MS4A18: variants seen among roughly 807,000 people sequenced by gnomAD.
The protein encoded by MS4A18 is membrane-spanning 4-domains subfamily A member 18.
MS4A18 carries 27 observed loss-of-function variants against 13.1 expected under a neutral mutation model. That is an observed-to-expected ratio of 2.06 (90% CI 1.52 to 2.84). The LOEUF is 2.84. Among genes scored for constraint, MS4A18 ranks in the 30% most tolerant of loss-of-function variants. The pLI, the probability that MS4A18 is intolerant of heterozygous loss-of-function variation, is 0.00. For synonymous variants in MS4A18, 126 were observed against 76.5 expected, an observed-to-expected ratio of 1.65 and a Z score of -3.38; for missense variants, 307 against 196.4, an observed-to-expected ratio of 1.56 and a Z score of -3.37.
chr11:60,730,357 G>A (rs985584684), intron 1 of MS4A18, among the ~76,000 whole-genome samples: 1 of 152,184 alleles, frequency 6.6e-6, no homozygotes, highest in Non-Finnish European at 1.5e-5. Context: ...CAGATGCCTG[G>A]CTGGATCTGG....
At chr11:60,726,054 A>G (rs1196312371), upstream of MS4A18, among the ~76,000 whole-genome samples, 1 of 152,238 alleles carries the variant, frequency 6.6e-6, no homozygotes, top group East Asian at 1.9e-4. Context: ...CTGGTAGAAC[A>G]TTTCTTCTGG....
chr11:60,737,899 C>T (rs910181422), intron 3 of MS4A18, among the ~76,000 whole-genome samples: 1 of 152,216 alleles, frequency 6.6e-6, no homozygotes, highest in Admixed American at 6.5e-5. Context: ...GCTTCACCCC[C>T]TTTAGGAAGA....
intron 2 of MS4A18, among the ~76,000 whole-genome samples, chr11:60,734,447 C>T (rs893237567): frequency 1.3e-5 from 2 of 152,224 alleles, no homozygotes; most frequent in Non-Finnish European, 2.9e-5. Context: ...TGGAAATCAA[C>T]ACGTGCTCCA....
At chr11:60,736,553 C>T (rs1489977701) in intron 2 of MS4A18, among the ~76,000 whole-genome samples, 3 of 152,162 alleles carry the variant, frequency 2.0e-5, no homozygotes, top group Non-Finnish European at 4.4e-5. Context: ...AGCCCCAAGG[C>T]TCCACCCACC....
At position 60,736,804 on chromosome 11, in the gene MS4A18, T is replaced by G. The variant is rs73492918; in HGVS notation, c.592-174T>G. 2.0e-3 allele frequency among the ~76,000 whole-genome samples: 299 copies of G among 152,332 alleles called. 1 individual carries two copies. The highest frequency in any genetic ancestry group is 6.6e-3 in the African/African-American group (275 of 41,570). On this transcript the variant is annotated intron_variant, in intron 2 of 5. Transcript: ENST00000529108. ...GTATCACGGTATTTAGTATATTTGGTGCCTAACCATTGGGATAGTAAAAAT... is the reference window on the plus strand; with the variant it reads ...GTATCACGGTATTTAGTATATTTGGGGCCTAACCATTGGGATAGTAAAAAT...
rs575226001 is a variant in MS4A18 at position 60,737,006 on chromosome 11, G to A, written c.620G>A (p.Trp207Ter). ...ATTGTATCTGGATCCCTCTCAGTAT[G>A]GGCTGCAAAGGACCCCAGTCCTTGT... is the stretch of plus-strand genomic sequence containing the variant. Residue 207 changes from tryptophan (W) to a stop codon, truncating the protein, a stop_gained, in exon 3 of 6, where the codon TGG becomes TAG. Transcript: ENST00000529108. LOFTEE classifies it high-confidence loss of function. 1 of 699,146 alleles carries A rather than the reference G, an allele frequency of 1.4e-6. No individual in the cohort carries two copies. Among genetic ancestry groups the A allele is most frequent in the Admixed American group, 2.0e-5 (1 of 49,566 alleles). The allele number at this position is 699,146 out of a possible 1,614,324, so 43.3% of individuals were successfully genotyped here.
chr11:60,739,134 C>T (rs1055867668), intron 4 of MS4A18, 137 bp downstream of exon 5: 77 of 619,624 alleles, frequency 1.2e-4, no homozygotes, highest in Non-Finnish European at 1.8e-4. Flanking sequence ...GCTATTTAAC[C>T]GTCACCAAAA....
At position 60,737,656 on chromosome 11, in the gene MS4A18, G is replaced by C. The variant is rs113174430; in HGVS notation, c.648+622G>C. 6.6e-3 allele frequency among the ~76,000 whole-genome samples: 1,007 copies of C among 152,264 alleles called. 8 individuals carry two copies. The highest frequency in any genetic ancestry group is 0.023 in the African/African-American group (963 of 41,532). On this transcript the variant is annotated intron_variant, in intron 3 of 5. Coordinates refer to ENST00000529108, the Ensembl canonical transcript of MS4A18. ...TGGTCATGTTTTGATTTTTGTTGCA[G>C]CCTCTAAGAAGCTTAGGGATAAATT...
intron 1 of MS4A18, among the ~76,000 whole-genome samples, chr11:60,731,809 C>G (rs952950924): frequency 1.3e-5 from 2 of 152,106 alleles, no homozygotes; most frequent in African/African-American, 2.4e-5. Flanking sequence ...AGAAATCACT[C>G]GAAAAACCGT....
chr11:60,732,381 A>G (rs1172700137), intron 1 of MS4A18, among the ~76,000 whole-genome samples: 1 of 152,028 alleles, frequency 6.6e-6, no homozygotes, highest in African/African-American at 2.4e-5. Flanking sequence ...GGAGGCCACA[A>G]AGAGAATATC....
chr11:60,735,500 A>ATTT lies in MS4A18; in HGVS notation c.592-1458_592-1456dup, dbSNP rs56136215. Among the ~76,000 whole-genome samples the ATTT allele has an allele frequency of 8.7e-3, 957 of 110,028 alleles. 20 individuals carry two copies. Among genetic ancestry groups the ATTT allele is most frequent in the African/African-American group, 0.03 (833 of 27,762 alleles). The allele number at this position is 110,028 out of a possible 152,430, so 72.2% of individuals were successfully genotyped here. On this transcript the variant is annotated intron_variant, in intron 2 of 5. Transcript: ENST00000529108. The stretch of plus-strand genomic sequence containing the variant: ...AGGCGCCTGCCACCGTGCCCGGCTA[A>ATTT]TTTTTTTTTTTTTTTTTTTTTTGTA...
At chr11:60,727,107 C>T (rs1292397355), upstream of MS4A18, among the ~76,000 whole-genome samples, 2 of 152,108 alleles carry the variant, frequency 1.3e-5, no homozygotes, top group Non-Finnish European at 2.9e-5. Flanking sequence ...TTTTTTATGG[C>T]TGCATAGTAT....
chr11:60,732,933 C>T (rs1026229772), intron 1 of MS4A18, among the ~76,000 whole-genome samples: 3 of 152,126 alleles, frequency 2.0e-5, no homozygotes, highest in African/African-American at 7.2e-5. Flanking sequence ...ATATAAAGAC[C>T]TTTCTTCGAG....
chr11:60,741,424 A>T (rs1157119916), intron 5 of MS4A18, among the ~76,000 whole-genome samples: 7 of 152,042 alleles, frequency 4.6e-5, no homozygotes, highest in Non-Finnish European at 8.8e-5. Flanking sequence ...GTCTCCAGGG[A>T]CCTTCATGAA....
chr11:60,738,604 C>T (rs1013906803), intron 3 of MS4A18, among the ~76,000 whole-genome samples: 5 of 152,068 alleles, frequency 3.3e-5, no homozygotes, highest in African/African-American at 1.2e-4. Context: ...AAACAACTAA[C>T]AGGTACTAGG....
At chr11:60,741,654 A>G (rs955021227) in intron 5 of MS4A18, among the ~76,000 whole-genome samples, 3 of 152,192 alleles carry the variant, frequency 2.0e-5, no homozygotes, top group African/African-American at 7.2e-5. Context: ...CTACCTCTTG[A>G]TAAGAGGAGC....
intron 2 of MS4A18, among the ~76,000 whole-genome samples, chr11:60,734,338 A>C (rs1239732280): frequency 6.6e-6 from 1 of 152,196 alleles, no homozygotes; most frequent in Non-Finnish European, 1.5e-5. Flanking sequence ...CTACCATACC[A>C]GTTATGGGAG....
chr11:60,737,399 C>G (rs1853358347), intron 3 of MS4A18, among the ~76,000 whole-genome samples: 1 of 152,182 alleles, frequency 6.6e-6, no homozygotes, highest in African/African-American at 2.4e-5. Context: ...ACACGCAGTG[C>G]CTTATGGGTG....
chr11:60,728,374 A>G (rs367822388), upstream of MS4A18, among the ~76,000 whole-genome samples: 7 of 152,080 alleles, frequency 4.6e-5, no homozygotes, highest in South Asian at 1.0e-3. Context: ...ATCAAAGACC[A>G]AGGTAGTATC....
Sources: gnomAD v4.1 joint callset for allele counts (sites outside exome capture counted in the v4.1 genomes callset) on GRCh38, gnomAD v4.1.1 for gene constraint, MANE v1.5 for transcripts, NCBI Gene and HGNC (gene_info 2026-07-23, HGNC 2026-07-21) for gene names.